DNAH2: variants seen among roughly 807,000 people sequenced by gnomAD.
DNAH2 encodes axonemal beta dynein heavy chain 2.
In DNAH2, 323 loss-of-function variants were observed where a neutral mutation model predicts 523.5. The observed-to-expected ratio is 0.62, with a 90% CI of 0.56 to 0.68. The LOEUF is 0.68. Ranked by LOEUF, DNAH2 falls within the 30% of genes least tolerant of loss-of-function variation. DNAH2 has a pLI of 0.00. For synonymous variants in DNAH2, 2,093 were observed against 2,177.4 expected, an observed-to-expected ratio of 0.96 and a Z score of 1.08; for missense variants, 4,907 against 5,701.5, an observed-to-expected ratio of 0.86 and a Z score of 4.49.
Position 7,797,186 on chromosome 17 carries a change from G to T in DNAH2, c.7874G>T (p.Gly2625Val). The T allele has an allele frequency of 6.2e-7, 1 of 1,613,624 alleles. No individual in the cohort carries two copies. The highest frequency in any genetic ancestry group is 8.5e-7 in the Non-Finnish European group (1 of 1,179,922). Residue 2625 changes from glycine to valine, a missense_variant, in exon 51 of 86, where the codon GGC becomes GTC. Physicochemically the swap from Gly to Val is moderately radical, Grantham distance 109 (BLOSUM62 -3). This residue lies in a region of DNAH2 where 250 missense variants were observed against 371.3 expected (regional missense o/e 0.67). Coordinates refer to ENST00000572933, the MANE Select transcript of DNAH2 (RefSeq NM_020877.5). ...NLRDISKVFQ[G>V]MLRANKDFHD... ...CAGTCCTCTTCCCAGGTGTTCCAGGGCATGCTTAGAGCCAACAAGGACTTC... is the reference window on the plus strand; with the variant it reads ...CAGTCCTCTTCCCAGGTGTTCCAGGTCATGCTTAGAGCCAACAAGGACTTC...
rs796439698 is a variant in DNAH2 at position 7,754,966 on chromosome 17, GAA to G, written c.1905-2111_1905-2110del. The G allele has an allele frequency of 7.2e-3, 1,967 of 273,586 alleles. No homozygotes were observed. The highest frequency in any genetic ancestry group is 0.014 in the Middle Eastern group (13 of 958). The allele number at this position is 273,586 out of a possible 1,614,324, so 16.9% of individuals were successfully genotyped here. On this transcript the variant is annotated intron_variant, in intron 12 of 85. Transcript: ENST00000572933. The surrounding 1 kb of genome is among the most constrained non-coding windows in gnomAD (Gnocchi z 4.6). The stretch of plus-strand genomic sequence containing the variant: ...TATTGGTACAAATAAGCCTGAGGCA[GAA>G]AAAAAAAAAAAAAGAATAGGCAGCC...
In DNAH2 at chr17:7,780,093, G is replaced by C; in HGVS notation, c.5723-64G>C. On this transcript the variant is annotated intron_variant, in intron 36 of 85. Transcript: ENST00000572933. This position sits in a 1 kb window ranked among gnomAD's most constrained non-coding sequence, Gnocchi z 4.4. The stretch of plus-strand genomic sequence containing the variant: ...AGAAAATGAGACTGATTGGAAAGTG[G>C]GTTTGGGGAAGCAAATCAAGATGAG... 3 of 1,569,728 alleles carry C rather than the reference G, an allele frequency of 1.9e-6. No individual in the cohort carries two copies. The highest frequency in any genetic ancestry group is 1.2e-5 in the South Asian group (1 of 86,120).
rs771407917 is a variant in DNAH2 at position 7,833,723 on chromosome 17, T to A, written c.*190T>A. 6 of 787,182 alleles carry A rather than the reference T, an allele frequency of 7.6e-6. No homozygotes were observed. The South Asian group carries it at 8.8e-5, about 11-fold the overall frequency. 48.8% of individuals were successfully genotyped at this position (787,182 alleles called of 1,614,324 possible). A position where few individuals can be genotyped will look rare whatever the true frequency, so the allele number is the denominator to read the frequency against. ...AGAGTTGTATTGGAGCTCAGTGCTG[T>A]AAAACACCCGCGACAACAAGCCTTA... On this transcript the variant is annotated 3_prime_UTR_variant, in exon 86 of 86. Coordinates refer to ENST00000572933, the MANE Select transcript of DNAH2 (RefSeq NM_020877.5).
intron 2 of DNAH2, among the ~76,000 whole-genome samples, chr17:7,721,590 C>T (rs73977758): frequency 0.044 from 6,665 of 152,188 alleles, 336 homozygotes; most frequent in South Asian, 0.14. Flanking sequence ...CATCTTTTCA[C>T]GCCTTCCTGC....
At chr17:7,816,092 G>A (rs776424098) in intron 63 of DNAH2, among the ~76,000 whole-genome samples, 86 of 152,266 alleles carry the variant, frequency 5.6e-4, no homozygotes, top group African/African-American at 1.9e-3. Context: ...GAGCCACCAC[G>A]CCCAGCCAGC....
chr17:7,763,964 C>T lies in DNAH2; in HGVS notation c.3112C>T (p.Leu1038=), dbSNP rs2076079633. 1 of 1,614,220 alleles carries T rather than the reference C, an allele frequency of 6.2e-7. No homozygotes were observed. Among genetic ancestry groups the T allele is most frequent in the Non-Finnish European group, 8.5e-7 (1 of 1,180,042 alleles). Residue 1038 remains leucine, a synonymous_variant, in exon 19 of 86, where the codon CTG becomes TTG. Coordinates refer to ENST00000572933, the MANE Select transcript of DNAH2 (RefSeq NM_020877.5). ...TGAATGGCAGAACAAGTTCGCGACT[C>T]TGCTCAGGGAGATGGCTGCTGGGCG... ...CNEWQNKFAT[L]LREMAAGRLL...
At chr17:7,779,496 C>T (rs940489349) in intron 36 of DNAH2, 73 bp downstream of exon 36, 9 of 1,451,650 alleles carry the variant, frequency 6.2e-6, no homozygotes, top group South Asian at 1.3e-5. Context: ...ACTGCGCATC[C>T]TCCTCTTCCC....
intron 4 of DNAH2, among the ~76,000 whole-genome samples, chr17:7,732,434 C>CA (rs796065817): frequency 0.056 from 2,869 of 50,882 alleles, 59 homozygotes; most frequent in South Asian, 0.082. Flanking sequence ...GACTCCATCT[C>CA]AAAAAAAAAA....
At chr17:7,736,008 C>T (rs186149584) in intron 7 of DNAH2, among the ~76,000 whole-genome samples, 93 of 152,138 alleles carry the variant, frequency 6.1e-4, no homozygotes, top group African/African-American at 1.9e-3. Context: ...CCGCCTCGGC[C>T]TCACAAAGTG....
In DNAH2 at chr17:7,740,536, T is replaced by C; in HGVS notation, c.1493T>C (p.Leu498Pro). The C allele has an allele frequency of 6.2e-7, 1 of 1,613,824 alleles. No individual in the cohort carries two copies. The highest frequency in any genetic ancestry group is 8.5e-7 in the Non-Finnish European group (1 of 1,179,980). Residue 498 changes from leucine to proline, a missense_variant, in exon 10 of 86, where the codon CTT (leucine) becomes CCT (proline). Physicochemically the swap from Leu to Pro is moderately conservative, Grantham distance 98. Around this residue, in one of 3 missense-constraint regions of DNAH2, gnomAD observed 2,806 missense variants for 3,190.8 expected, o/e 0.88. Transcript: ENST00000572933. ...GVLLLDTFHRLASREAIKRTY... is the reference protein window; with the variant it reads ...GVLLLDTFHRPASREAIKRTY... ...CTTCTGCTGGACACCTTCCACAGGC[T>C]TGCCTCCCGCGAGGTGCGGCTGCCC...
chr17:7,732,046 A>G (rs75278137), intron 4 of DNAH2, among the ~76,000 whole-genome samples: 1 of 142,358 alleles, frequency 7.0e-6, no homozygotes, highest in South Asian at 2.3e-4. Flanking sequence ...AAAAAAAAAA[A>G]GGACACAAAA....
chr17:7,727,326 C>A, intron 4 of DNAH2, 34 bp downstream of exon 4: 1 of 1,576,780 alleles, frequency 6.3e-7, no homozygotes, highest in South Asian at 1.2e-5. Context: ...CAAAGGTGGT[C>A]CTACAGAGAG....
At chr17:7,788,410 G>T (rs1052872040) in intron 44 of DNAH2, among the ~76,000 whole-genome samples, 166 bp downstream of exon 44, 1 of 152,200 alleles carries the variant, frequency 6.6e-6, no homozygotes, top group Admixed American at 6.5e-5. Context: ...AGGGGTGTGT[G>T]TGTGCATGTC....
At position 7,832,183 on chromosome 17, in the gene DNAH2, T is replaced by C. The variant is rs2078195255; in HGVS notation, c.12727-396T>C. Among the ~76,000 whole-genome samples, 3 of 152,120 alleles carry C rather than the reference T, an allele frequency of 2.0e-5. No homozygotes were observed. The highest frequency in any genetic ancestry group is 1.3e-4 in the Admixed American group (2 of 15,270). On this transcript the variant is annotated intron_variant, in intron 82 of 85. Coordinates refer to ENST00000572933, the MANE Select transcript of DNAH2 (RefSeq NM_020877.5). The surrounding 1 kb of genome is among the most constrained non-coding windows in gnomAD (Gnocchi z 4.3). ...TTGGGGAACAGGGGCTGCCACCACA[T>C]AGTCTTCTCATATCTGCTTCAGGTG...
intron 50 of DNAH2, 43 bp downstream of exon 50, chr17:7,796,695 T>G: frequency 6.3e-7 from 1 of 1,577,846 alleles, no homozygotes; most frequent in Non-Finnish European, 8.6e-7. Flanking sequence ...TGGCCCAGCC[T>G]CCGCGGAGGC....
In DNAH2 at chr17:7,726,990, T is replaced by G. The variant is rs1041006321; in HGVS notation, c.229-132T>G. 11 of 939,312 alleles carry G rather than the reference T, an allele frequency of 1.2e-5. No individual in the cohort carries two copies. The African/African-American group carries it at 1.6e-4, about 13-fold the overall frequency. 58.2% of individuals were successfully genotyped at this position (939,312 alleles called of 1,614,324 possible). A position where few individuals can be genotyped will look rare whatever the true frequency, so the allele number is the denominator to read the frequency against. Reference sequence around the variant, plus strand: ...TCTTCCAAAGCTGGAAAGCTATCTTTCAGTTTCTCCTAACCATTCTGAACC... The same window carrying G: ...TCTTCCAAAGCTGGAAAGCTATCTTGCAGTTTCTCCTAACCATTCTGAACC... On this transcript the variant is annotated intron_variant, in intron 3 of 85. Coordinates refer to ENST00000572933, the MANE Select transcript of DNAH2 (RefSeq NM_020877.5).
At chr17:7,727,615 A>G (rs1597460561) in intron 4 of DNAH2, among the ~76,000 whole-genome samples, 1 of 151,942 alleles carries the variant, frequency 6.6e-6, no homozygotes. Context: ...AATTAGCCAG[A>G]CGTGGTGGTG....
At chr17:7,774,440 G>A (rs1330815024) in intron 28 of DNAH2, among the ~76,000 whole-genome samples, 1 of 152,218 alleles carries the variant, frequency 6.6e-6, no homozygotes, top group African/African-American at 2.4e-5. Flanking sequence ...TCGGACCACA[G>A]TTGTCTGCAG....
At position 7,817,400 on chromosome 17, in the gene DNAH2, A is replaced by G; in HGVS notation, c.10005A>G (p.Gln3335=). The G allele has an allele frequency of 6.2e-7, 1 of 1,613,968 alleles. No homozygotes were observed. The highest frequency in any genetic ancestry group is 8.5e-7 in the Non-Finnish European group (1 of 1,179,990). The stretch of plus-strand genomic sequence containing the variant: ...ACTACCGGGATGAGATTGTCAACCA[A>G]ATCTGGATCGGGAAGGTGAGATGGG... ...LTNYRDEIVN[Q]IWIGKIWELQ... is the part of the protein sequence containing the mutation. Residue 3335 remains glutamine (Q), a synonymous_variant, in exon 65 of 86, where the codon CAA becomes CAG. Coordinates refer to ENST00000572933, the MANE Select transcript of DNAH2 (RefSeq NM_020877.5).
Sources: gnomAD v4.1 joint callset for allele counts (sites outside exome capture counted in the v4.1 genomes callset) on GRCh38, gnomAD v4.1.1 for gene constraint, gnomAD v4.1.1 regional missense constraint, Gnocchi (gnomAD v3.1) non-coding constraint, MANE v1.5 for transcripts, NCBI Gene and HGNC (gene_info 2026-07-23, HGNC 2026-07-21) for gene names.